The following B3GLCT variants were observed in gnomAD, a reference collection of about 807,000 sequenced individuals.
B3GLCT encodes the protein beta 3-glucosyltransferase.
B3GLCT carries 65 observed loss-of-function variants against 63.4 expected under a neutral mutation model. That is an observed-to-expected ratio of 1.03 (90% CI 0.84 to 1.26). The LOEUF is 1.26. Among genes scored for constraint, B3GLCT ranks in the 50% most tolerant of loss-of-function variants. The probability of loss-of-function intolerance (pLI) is 0.00; values close to 1 mark genes in which losing one functional copy is unlikely to be tolerated. For missense variants in B3GLCT, 577 were observed against 604.8 expected (o/e 0.95, Z 0.48); for synonymous variants, 233 against 219.2 (o/e 1.06, Z -0.55).
chr13:31,315,261 A>T (rs1314367271), intron 12 of B3GLCT, among the ~76,000 whole-genome samples: 1 of 152,248 alleles, frequency 6.6e-6, no homozygotes, highest in Non-Finnish European at 1.5e-5. Context: ...AGACAGGAAG[A>T]TGAATGAAAG....
chr13:31,299,931 T>A lies in B3GLCT; in HGVS notation c.1064+13112T>A, dbSNP rs183919894. On this transcript the variant is annotated intron_variant, in intron 12 of 14. Coordinates refer to ENST00000343307, the MANE Select transcript of B3GLCT (RefSeq NM_194318.4). ...TGGGCAGGCAATTGGTCACTGCCTA[T>A]GAGTTAGTAAAATCCTAAACACAAG... Among the ~76,000 whole-genome samples the A allele has an allele frequency of 7.2e-5, 11 of 152,234 alleles. No homozygotes were observed. In the South Asian group the frequency reaches 1.0e-3, roughly 14 times the overall value.
intron 12 of B3GLCT, among the ~76,000 whole-genome samples, chr13:31,314,775 G>A (rs189708671): frequency 1.3e-5 from 2 of 152,270 alleles, no homozygotes; most frequent in East Asian, 1.9e-4. Context: ...GAGGGGGCAG[G>A]GGTGGAATGA....
intron 13 of B3GLCT, 43 bp from the exon 14 acceptor site, chr13:31,323,706 CTG>C (rs1875448827): frequency 6.2e-7 from 1 of 1,612,238 alleles, no homozygotes; most frequent in African/African-American, 1.3e-5. Flanking sequence ...GCAGCGGTGT[CTG>C]TGGAGCTTCT....
At chr13:31,226,592 C>A (rs1437333099) in intron 3 of B3GLCT, among the ~76,000 whole-genome samples, 3 of 151,028 alleles carry the variant, frequency 2.0e-5, no homozygotes, top group Non-Finnish European at 3.0e-5. Context: ...CAGGATTAAG[C>A]TTTTTTTTTA....
Position 31,261,083 on chromosome 13 carries a change from G to A in B3GLCT, c.596+1G>A. 1 of 1,534,694 alleles carries A rather than the reference G, an allele frequency of 6.5e-7. No homozygotes were observed. Among genetic ancestry groups the A allele is most frequent in the Non-Finnish European group, 8.9e-7 (1 of 1,118,138 alleles). On this transcript the variant is annotated splice_donor_variant, in intron 7 of 14. Coordinates refer to ENST00000343307, the MANE Select transcript of B3GLCT (RefSeq NM_194318.4). LOFTEE classifies it high-confidence loss of function. ...CCTTAAGTATTCCACTTGTAAACAA[G>A]TAAGAATTTATTGGAATTTTTTCGG...
Position 31,330,979 on chromosome 13 carries a change from G to A in B3GLCT, c.*1311G>A, listed in dbSNP as rs1353608775. On this transcript the variant is annotated 3_prime_UTR_variant, in exon 15 of 15. Transcript: ENST00000343307. ...TAGCATAGATTGACTATTTGCAATA[G>A]TATTAGTATTTACCATTTTTCCAAA... 6.6e-6 allele frequency: 1 copy of A among 152,150 alleles called. No individual in the cohort carries two copies. Among genetic ancestry groups the A allele is most frequent in the African/African-American group, 2.4e-5 (1 of 41,422 alleles). 9.4% of individuals were successfully genotyped at this position (152,150 alleles called of 1,614,324 possible).
chr13:31,263,486 T>A (rs1459151147), intron 7 of B3GLCT, among the ~76,000 whole-genome samples: 1 of 152,198 alleles, frequency 6.6e-6, no homozygotes, highest in African/African-American at 2.4e-5. Context: ...ACCTCTGTCC[T>A]CTGCTTCACT....
intron 4 of B3GLCT, among the ~76,000 whole-genome samples, chr13:31,235,411 G>A (rs1870598518): frequency 6.6e-6 from 1 of 152,074 alleles, no homozygotes; most frequent in South Asian, 2.1e-4. Flanking sequence ...TGGGCCCTGC[G>A]GGAAGACCAG....
intron 4 of B3GLCT, among the ~76,000 whole-genome samples, chr13:31,234,461 G>A (rs1870541720): frequency 6.6e-6 from 1 of 152,192 alleles, no homozygotes; most frequent in Admixed American, 6.5e-5. Flanking sequence ...TGAAAGTGCT[G>A]AGCCTGGAAC....
At position 31,286,837 on chromosome 13, in the gene B3GLCT, TC is replaced by T. The variant is rs776056042; in HGVS notation, c.1064+20del. ...TTAATAAGGTAAGGAGTCATTCTCATCCTAAATGGCTTTAAATTCTACATAT... is the reference window on the plus strand; with the variant it reads ...TTAATAAGGTAAGGAGTCATTCTCATCTAAATGGCTTTAAATTCTACATAT... On this transcript the variant is annotated intron_variant, in intron 12 of 14. Coordinates refer to ENST00000343307, the MANE Select transcript of B3GLCT (RefSeq NM_194318.4). The T allele has an allele frequency of 6.5e-7, 1 of 1,534,410 alleles. No individual in the cohort carries two copies. Among genetic ancestry groups the T allele is most frequent in the African/African-American group, 1.4e-5 (1 of 73,224 alleles).
chr13:31,244,237 A>G (rs948501413), intron 4 of B3GLCT, among the ~76,000 whole-genome samples: 2 of 152,212 alleles, frequency 1.3e-5, no homozygotes, highest in Non-Finnish European at 2.9e-5. Flanking sequence ...CATGCCTGTA[A>G]TCCCAGCACT....
chr13:31,216,220 A>T (rs994657355), intron 2 of B3GLCT, among the ~76,000 whole-genome samples: 45 of 152,208 alleles, frequency 3.0e-4, no homozygotes, highest in African/African-American at 1.1e-3. Flanking sequence ...TGATAATACT[A>T]ATTTCTTACG....
chr13:31,235,139 G>T (rs1010164737), intron 4 of B3GLCT, among the ~76,000 whole-genome samples: 1 of 152,094 alleles, frequency 6.6e-6, no homozygotes, highest in African/African-American at 2.4e-5. Flanking sequence ...ATGGACCCAG[G>T]CTGGAGAGAA....
At position 31,317,599 on chromosome 13, in the gene B3GLCT, T is replaced by A. The variant is rs80338852; in HGVS notation, c.1098T>A (p.Tyr366Ter). ...GGCTCCAGCACTTGCTTAGCTGTTATGACTCCGGCGAGCCTGTGTTTCTGG... is the reference window on the plus strand; with the variant it reads ...GGCTCCAGCACTTGCTTAGCTGTTAAGACTCCGGCGAGCCTGTGTTTCTGG... ...ISRLQHLLSC[Y>*]DSGEPVFLGE... is the part of the protein sequence containing the mutation. Residue 366 changes from tyrosine (Y) to a stop codon, truncating the protein, a stop_gained, in exon 13 of 15, where the codon TAT becomes TAA. Transcript: ENST00000343307. LOFTEE classifies it high-confidence loss of function. 1 of 1,614,108 alleles carries A rather than the reference T, an allele frequency of 6.2e-7. No homozygotes were observed.
Position 31,247,838 on chromosome 13 carries a change from T to C in B3GLCT, c.348-17T>C, listed in dbSNP as rs968996840. 1 of 1,338,852 alleles carries C rather than the reference T, an allele frequency of 7.5e-7. No homozygotes were observed. 82.9% of individuals were successfully genotyped at this position (1,338,852 alleles called of 1,614,324 possible). A position where few individuals can be genotyped will look rare whatever the true frequency, so the allele number is the denominator to read the frequency against. On this transcript the variant is annotated splice_polypyrimidine_tract_variant and intron_variant, in intron 5 of 14. Transcript: ENST00000343307. ...ATTTTACAGAAGTGATTACTGAAAC[T>C]TGTTTCTTTTGGTCAGTTTTTCTGT...
intron 10 of B3GLCT, among the ~76,000 whole-genome samples, chr13:31,279,100 T>G (rs1872932990): frequency 6.6e-6 from 1 of 152,192 alleles, no homozygotes; most frequent in Non-Finnish European, 1.5e-5. Context: ...CCTGCTATGC[T>G]CAAGGTCAGT....
rs1172298989 is a variant in B3GLCT at position 31,279,993 on chromosome 13, T to A, written c.850+3222T>A. 5.9e-5 allele frequency among the ~76,000 whole-genome samples: 9 copies of A among 152,364 alleles called. No homozygotes were observed. The East Asian group carries it at 1.7e-3, about 29-fold the overall frequency. ...GCCCAGCCTACAGGCAGACAGACTT[T>A]AAGGGTATCTCCCTTGTTCCCTGAA... is the stretch of plus-strand genomic sequence containing the variant. On this transcript the variant is annotated intron_variant, in intron 10 of 14. Transcript: ENST00000343307.
chr13:31,318,744 G>T (rs1054525838), intron 13 of B3GLCT, among the ~76,000 whole-genome samples: 1 of 152,158 alleles, frequency 6.6e-6, no homozygotes, highest in South Asian at 2.1e-4. Context: ...TGGGTGAAGA[G>T]TTAGGGCCAA....
At chr13:31,323,656 T>C (rs1875443859) in intron 13 of B3GLCT, 95 bp from the exon 14 acceptor site, 2 of 1,404,896 alleles carry the variant, frequency 1.4e-6, no homozygotes, top group African/African-American at 1.4e-5. Flanking sequence ...CCTCTCAGTC[T>C]GCAGGAGTAA....
Sources: allele counts gnomAD v4.1 joint callset (sites outside exome capture counted in the v4.1 genomes callset), GRCh38; gene constraint gnomAD v4.1.1; transcripts MANE v1.5; gene names NCBI Gene and HGNC (gene_info 2026-07-23, HGNC 2026-07-21).